Variants in MUC5B observed in about 807,000 individuals in gnomAD.
MUC5B encodes mucin 5B, oligomeric mucus/gel-forming, also known as mucin-5B.
In MUC5B, 116 loss-of-function variants were observed where a neutral mutation model predicts 376.9. That is an observed-to-expected ratio of 0.31 (90% CI 0.26 to 0.36). The LOEUF (loss-of-function observed/expected upper bound fraction) is 0.36. Ranked by LOEUF, MUC5B falls within the 10% of genes least tolerant of loss-of-function variation. The pLI is 1.00. For missense variants in MUC5B, 7,165 were observed against 7,769.9 expected, an observed-to-expected ratio of 0.92 and a Z score of 2.93; for synonymous variants, 3,517 against 3,390.9, an observed-to-expected ratio of 1.04 and a Z score of -1.29.
Position 1,253,441 on chromosome 11 carries a change from C to A in MUC5B, c.15217+461C>A, listed in dbSNP as rs979010435. Among the ~76,000 whole-genome samples, 3 of 152,044 alleles carry A rather than the reference C, an allele frequency of 2.0e-5. No homozygotes were observed. Among genetic ancestry groups the A allele is most frequent in the African/African-American group, 7.2e-5 (3 of 41,390 alleles). ...CCAGAGGAGCTTTTGTCTCCTGGGT[C>A]CTAACAGCGGCTTCCATCACCGTGC... On this transcript the variant is annotated intron_variant, in intron 33 of 48. Coordinates refer to ENST00000529681, the MANE Select transcript of MUC5B (RefSeq NM_002458.3). This position sits in a 1 kb window ranked among gnomAD's most constrained non-coding sequence, Gnocchi z 4.3.
rs1590185833 is a variant in MUC5B at position 1,248,797 on chromosome 11, C to T, written c.11917C>T (p.Pro3973Ser). 2.6e-6 allele frequency: 4 copies of T among 1,549,102 alleles called. No homozygotes were observed. Among genetic ancestry groups the T allele is most frequent in the South Asian group, 1.2e-5 (1 of 84,012 alleles). Residue 3973 changes from proline to serine, a missense_variant, in exon 31 of 49, where the codon CCC becomes TCC. Pro to Ser is a moderately conservative substitution (Grantham distance 74, BLOSUM62 -1). This residue lies in a region of MUC5B where 242 missense variants were observed against 199.0 expected (regional missense o/e 1.22). Transcript: ENST00000529681. ...CTCAACTCCAGGGACAACACCTATC[C>T]CCCCAGTGCTGACCACCACCGCCAC... ...PSSTPGTTPI[P>S]PVLTTTATTP...
Position 1,248,544 on chromosome 11 carries a change from A to T in MUC5B, c.11664A>T (p.Pro3888=), listed in dbSNP as rs1862565692. The T allele has an allele frequency of 1.9e-6, 3 of 1,613,108 alleles. No homozygotes were observed. The highest frequency in any genetic ancestry group is 2.5e-6 in the Non-Finnish European group (3 of 1,179,652). The change falls in exon 31 of 49, where the codon CCA becomes CCT. Residue 3888 remains proline (P), a synonymous_variant. Transcript: ENST00000529681. The stretch of plus-strand genomic sequence containing the variant: ...GCCCAGGGACGGCACGCACGCCTCC[A>T]GTGTGGATCAGCACAACCACCACAC... ...SSSPGTARTP[P]VWISTTTTPT...
rs528624875 is a variant in MUC5B, at chr11:1,248,562, C to T, written c.11682C>T (p.Thr3894=). ...CGCCTCCAGTGTGGATCAGCACAAC[C>T]ACCACACCCACAACCAGTGGCTCCA... ...ARTPPVWIST[T]TTPTTSGSTV... The change falls in exon 31 of 49, where the codon ACC becomes ACT. Residue 3894 remains threonine (T), a synonymous_variant. Coordinates refer to ENST00000529681, the MANE Select transcript of MUC5B (RefSeq NM_002458.3). 2.5e-6 allele frequency: 4 copies of T among 1,613,328 alleles called. No homozygotes were observed. The highest frequency in any genetic ancestry group is 3.4e-6 in the Non-Finnish European group (4 of 1,179,720).
intron 8 of MUC5B, 88 bp from the exon 9 acceptor site, chr11:1,229,082 T>C (rs1157082356): frequency 7.2e-7 from 1 of 1,395,266 alleles, no homozygotes; most frequent in South Asian, 1.5e-5. Flanking sequence ...CTTGATGGCA[T>C]GTGGAAGGCC....
Position 1,249,433 on chromosome 11 carries a change from G to C in MUC5B, c.12553G>C (p.Gly4185Arg), listed in dbSNP as rs3021164. The change falls in exon 31 of 49, where the codon GGG (glycine) becomes CGG (arginine). Residue 4185 changes from glycine (G) to arginine (R), a missense_variant. Around this residue, in one of 31 missense-constraint regions of MUC5B, gnomAD observed 34 missense variants for 25.7 expected, o/e 1.32. Transcript: ENST00000529681. Reference sequence around the variant, plus strand: ...CCAGGCCCAGCCTGGTGTCCCCCTGGGGGAGTTGGGCCAGGTCGTGGAATG... The same window carrying C: ...CCAGGCCCAGCCTGGTGTCCCCCTGCGGGAGTTGGGCCAGGTCGTGGAATG... Reference protein sequence around the residue: ...RAQAQPGVPLGELGQVVECSL... With the variant: ...RAQAQPGVPLRELGQVVECSL... 3.1e-3 allele frequency: 4,975 copies of C among 1,595,218 alleles called. 50 individuals are homozygous for C. Among genetic ancestry groups the C allele is most frequent in the African/African-American group, 0.014 (1,030 of 72,984 alleles).
At position 1,233,145 on chromosome 11, in the gene MUC5B, C is replaced by A. The variant is rs750207007; in HGVS notation, c.2198C>A (p.Thr733Asn). The A allele has an allele frequency of 1.2e-6, 2 of 1,606,712 alleles. No individual in the cohort carries two copies. The highest frequency in any genetic ancestry group is 1.7e-5 in the Admixed American group (1 of 59,842). Residue 733 changes from threonine to asparagine, a missense_variant, in exon 18 of 49, where the codon ACC (threonine) becomes AAC (asparagine). Transcript: ENST00000529681. ...SVSFVPVDGC[T>N]CPAGTFLNDA... The stretch of plus-strand genomic sequence containing the variant: ...TCCTTCGTGCCTGTGGACGGCTGCA[C>A]CTGCCCCGCGGGCACCTTCCTCAAT...
chr11:1,231,101 C>G, intron 13 of MUC5B, 96 bp downstream of exon 13: 2 of 1,271,954 alleles, frequency 1.6e-6, no homozygotes, highest in Non-Finnish European at 2.2e-6. Context: ...CCTGCTAGTT[C>G]TCCGTGGCCT....
At position 1,257,648 on chromosome 11, in the gene MUC5B, C is replaced by T; in HGVS notation, c.16388C>T (p.Pro5463Leu). ...GGTCAGCCCCCGCCGTGCAACCGTCCCGGCTTCGTAACCGTGACCAGGCCC... is the reference window on the plus strand; with the variant it reads ...GGTCAGCCCCCGCCGTGCAACCGTCTCGGCTTCGTAACCGTGACCAGGCCC... ...AQGQPPPCNRPGFVTVTRPRA... is the reference protein window; with the variant it reads ...AQGQPPPCNRLGFVTVTRPRA... The change falls in exon 41 of 49, where the codon CCC becomes CTC. Residue 5463 changes from proline (P) to leucine (L), a missense_variant. By Grantham distance (98) the Pro-to-Leu change is moderately conservative. This residue lies in a region of MUC5B where 842 missense variants were observed against 1,016.9 expected (regional missense o/e 0.83). Transcript: ENST00000529681. This position sits in a 1 kb window ranked among gnomAD's most constrained non-coding sequence, Gnocchi z 8.9. 1 of 1,594,592 alleles carries T rather than the reference C, an allele frequency of 6.3e-7. No individual in the cohort carries two copies. The highest frequency in any genetic ancestry group is 8.5e-7 in the Non-Finnish European group (1 of 1,176,702).
Position 1,251,413 on chromosome 11 carries a change from A to G in MUC5B, c.14533A>G (p.Thr4845Ala), listed in dbSNP as rs924034503. 6.2e-7 allele frequency: 1 copy of G among 1,612,532 alleles called. No individual in the cohort carries two copies. The change falls in exon 31 of 49, where the codon ACC becomes GCC. Residue 4845 changes from threonine to alanine, a missense_variant. This residue lies in a region of MUC5B where 730 missense variants were observed against 592.7 expected (regional missense o/e 1.23). Transcript: ENST00000529681. ...CACCCTGTCCTCCACCCCAGGGACCACCTGGATCCTCACAGAGCCGAGCAC... is the reference window on the plus strand; with the variant it reads ...CACCCTGTCCTCCACCCCAGGGACCGCCTGGATCCTCACAGAGCCGAGCAC... ...TATLSSTPGT[T>A]WILTEPSTIA... is the part of the protein sequence containing the mutation.
chr11:1,250,191 G>A lies in MUC5B; in HGVS notation c.13311G>A (p.Thr4437=), dbSNP rs556109815. The change falls in exon 31 of 49, where the codon ACG becomes ACA. Residue 4437 remains threonine, a synonymous_variant. Coordinates refer to ENST00000529681, the MANE Select transcript of MUC5B (RefSeq NM_002458.3). The part of the protein sequence containing the change: ...TATTTASTGS[T]ATPSSTPGTT... ...CTACGACTGCGTCCACTGGATCCAC[G>A]GCCACCCCGTCCTCCACCCCAGGGA... 34 of 1,608,936 alleles carry A rather than the reference G, an allele frequency of 2.1e-5. No homozygotes were observed. Among genetic ancestry groups the A allele is most frequent in the South Asian group, 4.4e-5 (4 of 90,932 alleles).
chr11:1,241,361 C>T lies in MUC5B; in HGVS notation c.4481C>T (p.Thr1494Ile). 6.2e-7 allele frequency: 1 copy of T among 1,612,662 alleles called. No homozygotes were observed. The highest frequency in any genetic ancestry group is 8.5e-7 in the Non-Finnish European group (1 of 1,179,330). Residue 1494 changes from threonine (T) to isoleucine (I), a missense_variant, in exon 31 of 49, where the codon ACC (threonine) becomes ATC (isoleucine). Thr to Ile is a moderately conservative substitution (Grantham distance 89, BLOSUM62 -1). Transcript: ENST00000529681. ...TCCAGCTCAGGCCCCGTGACGGTCA[C>T]CCCCTCGGCCCCAGGTACCACCACC... ...TGSSSGPVTV[T>I]PSAPGTTTCQ...
In MUC5B at chr11:1,229,793, C is replaced by A; in HGVS notation, c.1206C>A (p.Thr402=). The A allele has an allele frequency of 6.2e-7, 1 of 1,600,326 alleles. No homozygotes were observed. Residue 402 remains threonine, a synonymous_variant, in exon 10 of 49, where the codon ACC becomes ACA. Coordinates refer to ENST00000529681, the MANE Select transcript of MUC5B (RefSeq NM_002458.3). ...ACAGCCCGGGCACCTCCTTCAACAC[C>A]ACCTGCAGCTCCTGGTACTTATGAG... ...RTYSPGTSFN[T]TCSSCTCSGG...
Position 1,258,220 on chromosome 11 carries a change from C to A in MUC5B, c.16555+17C>A. ...TCCGCTGCAGTGAGCGGGGCTGGGGCCGGGCTCCTGGGTGGCCTCTTGCTG... is the reference window on the plus strand; with the variant it reads ...TCCGCTGCAGTGAGCGGGGCTGGGGACGGGCTCCTGGGTGGCCTCTTGCTG... On this transcript the variant is annotated intron_variant, in intron 42 of 48. Transcript: ENST00000529681. The surrounding 1 kb of genome is among the most constrained non-coding windows in gnomAD (Gnocchi z 5.5). The A allele has an allele frequency of 1.9e-6, 3 of 1,575,512 alleles. No individual in the cohort carries two copies. Among genetic ancestry groups the A allele is most frequent in the South Asian group, 2.3e-5 (2 of 86,506 alleles).
rs1468362215 is a variant in MUC5B, at chr11:1,241,046, C to T, written c.4166C>T (p.Pro1389Leu). ...ECRAAQLPDM[P>L]LEELGQQVDC... The stretch of plus-strand genomic sequence containing the variant: ...CGGGCGGCGCAGCTTCCCGACATGC[C>T]GCTGGAGGAGCTGGGCCAGCAGGTG... The change falls in exon 31 of 49, where the codon CCG (proline) becomes CTG (leucine). Residue 1389 changes from proline (P) to leucine (L), a missense_variant. This residue lies in a region of MUC5B where 517 missense variants were observed against 545.3 expected (regional missense o/e 0.95). Coordinates refer to ENST00000529681, the MANE Select transcript of MUC5B (RefSeq NM_002458.3). 11 of 1,612,464 alleles carry T rather than the reference C, an allele frequency of 6.8e-6. No individual in the cohort carries two copies. The highest frequency in any genetic ancestry group is 1.7e-4 in the Middle Eastern group (1 of 6,052).
chr11:1,223,467 G>C (rs1456748605), intron 1 of MUC5B: 7 of 559,232 alleles, frequency 1.3e-5, no homozygotes, highest in African/African-American at 1.1e-4. Context: ...ACCACCGAAA[G>C]GGTCTTGGTC....
Position 1,243,777 on chromosome 11 carries a change from C to T in MUC5B, c.6897C>T (p.Ser2299=). 2.5e-6 allele frequency: 4 copies of T among 1,611,734 alleles called. No individual in the cohort carries two copies. The highest frequency in any genetic ancestry group is 3.4e-6 in the Non-Finnish European group (4 of 1,179,650). Residue 2299 remains serine (S), a synonymous_variant, in exon 31 of 49, where the codon AGC becomes AGT. Transcript: ENST00000529681. ...SKTRTSTLLP[S]SPTSAPITTV... is the part of the protein sequence containing the mutation. ...CCCGCACCTCGACCCTGCTGCCCAG[C>T]AGCCCCACATCGGCCCCCATAACCA...
At chr11:1,235,856 G>A (rs117116769) in intron 23 of MUC5B, among the ~76,000 whole-genome samples, 3,473 of 150,776 alleles carry the variant, frequency 0.023, 58 homozygotes, top group Non-Finnish European at 0.033. Context: ...ACTTAATCCC[G>A]TCTGCAGAGA....
rs753385957 is a variant in MUC5B at position 1,245,958 on chromosome 11, C to T, written c.9078C>T (p.Thr3026=). The change falls in exon 31 of 49, where the codon ACC becomes ACT. Residue 3026 remains threonine (T), a synonymous_variant. Transcript: ENST00000529681. ...CAGCTCCCCCTCCCAAAGTGCTGAC[C>T]AGCACGGCCACCACACCCACAGCCA... The part of the protein sequence containing the change: ...PGTAPPPKVL[T]STATTPTATS... 25 of 1,613,054 alleles carry T rather than the reference C, an allele frequency of 1.5e-5. No individual in the cohort carries two copies. Among genetic ancestry groups the T allele is most frequent in the Non-Finnish European group, 1.9e-5 (23 of 1,179,750 alleles).
chr11:1,241,087 C>G lies in MUC5B; in HGVS notation c.4207C>G (p.Arg1403Gly), dbSNP rs199550573. 3.1e-6 allele frequency: 5 copies of G among 1,612,256 alleles called. No individual in the cohort carries two copies. Among genetic ancestry groups the G allele is most frequent in the Middle Eastern group, 1.7e-4 (1 of 6,048 alleles). Residue 1403 changes from arginine to glycine, a missense_variant, in exon 31 of 49, where the codon CGG (arginine) becomes GGG (glycine). This residue lies in a region of MUC5B where 517 missense variants were observed against 545.3 expected (regional missense o/e 0.95). Coordinates refer to ENST00000529681, the MANE Select transcript of MUC5B (RefSeq NM_002458.3). ...CCAGCAGGTGGACTGTGACCGCATG[C>G]GGGGGCTGATGTGCGCCAACAGCCA... ...LGQQVDCDRM[R>G]GLMCANSQQS... is the part of the protein sequence containing the mutation.
Sources: allele counts gnomAD v4.1 joint callset (sites outside exome capture counted in the v4.1 genomes callset), GRCh38; gene constraint gnomAD v4.1.1; regional missense constraint gnomAD v4.1.1; non-coding constraint Gnocchi (gnomAD v3.1); transcripts MANE v1.5; gene names NCBI Gene and HGNC (gene_info 2026-07-23, HGNC 2026-07-21).